MYO1H: variants seen among roughly 807,000 people sequenced by gnomAD.
MYO1H encodes unconventional myosin-Ih.
In MYO1H, 118 loss-of-function variants were observed where a neutral mutation model predicts 149.3. The observed-to-expected ratio is 0.79, with a 90% CI of 0.68 to 0.92. The LOEUF (loss-of-function observed/expected upper bound fraction) is 0.92. MYO1H is among the 40% of genes least tolerant of loss of function. MYO1H has a pLI of 0.00. For missense variants in MYO1H, 1,212 were observed against 1,280.7 expected (o/e 0.95, Z 0.82); for synonymous variants, 447 against 465.2 (o/e 0.96, Z 0.50).
chr12:109,347,339 A>G (rs113070724), upstream of MYO1H, among the ~76,000 whole-genome samples: 479 of 152,316 alleles, frequency 3.1e-3, 3 homozygotes, highest in African/African-American at 0.011. Flanking sequence ...ACAGCCTCCA[A>G]TATCAGCAAC....
chr12:109,428,741 C>T (rs1308968438), intron 19 of MYO1H, among the ~76,000 whole-genome samples: 1 of 152,208 alleles, frequency 6.6e-6, no homozygotes, highest in Non-Finnish European at 1.5e-5. Context: ...ATTCATTCAT[C>T]TTCATCCCAA....
chr12:109,353,297 C>T lies in MYO1H; in HGVS notation c.12+5325C>T, dbSNP rs10850068. Among the ~76,000 whole-genome samples the T allele has an allele frequency of 2.8e-3, 423 of 149,280 alleles. 3 individuals carry two copies. The highest frequency in any genetic ancestry group is 9.5e-3 in the African/African-American group (389 of 40,764). On this transcript the variant is annotated intron_variant, in intron 1 of 31. Transcript: ENST00000310903. ...TAATCCCAGCTACTCAGGAGGCTGA[C>T]GCAGGAAAATCGCTTGAACCCGGGA...
At chr12:109,323,220 G>T in the MYO1H span, among the ~76,000 whole-genome samples, 1 of 152,156 alleles carries the variant, frequency 6.6e-6, no homozygotes, top group East Asian at 1.9e-4. Context: ...TACCTTCTAG[G>T]TTTTTATCCT....
At chr12:109,342,444 C>A in the MYO1H span, among the ~76,000 whole-genome samples, 2 of 108,368 alleles carry the variant, frequency 1.8e-5, no homozygotes, top group African/African-American at 8.4e-5. Context: ...TGCATCCAGT[C>A]CTGATTTTTT....
chr12:109,377,979 C>A lies in MYO1H; in HGVS notation c.13-10704C>A, dbSNP rs76924679. Among the ~76,000 whole-genome samples the A allele has an allele frequency of 1.6e-3, 246 of 152,276 alleles. 5 individuals are homozygous for A. In the East Asian group the frequency reaches 0.044, roughly 27 times the overall value. ...TTCCTCCGTATTTCAGTATTTATTT[C>A]TAAGTGATACAGAATCTTTTAAAAA... On this transcript the variant is annotated intron_variant, in intron 1 of 31. Coordinates refer to ENST00000310903, the Ensembl canonical transcript of MYO1H.
chr12:109,354,376 GCAGATCACGAAGT>G (rs1464673823), intron 1 of MYO1H: 2 of 152,164 alleles, frequency 1.3e-5, no homozygotes, highest in East Asian at 3.9e-4. Flanking sequence ...GCTGAGGCGG[GCAGATCACGAAGT>G]CAGGAGATCG....
the MYO1H span, among the ~76,000 whole-genome samples, chr12:109,334,030 T>G: frequency 6.6e-6 from 1 of 152,232 alleles, no homozygotes; most frequent in Non-Finnish European, 1.5e-5. Context: ...GTTTACTTTT[T>G]TTTTGAGACA....
At chr12:109,347,364 T>G (rs1478605258), upstream of MYO1H, among the ~76,000 whole-genome samples, 1 of 152,204 alleles carries the variant, frequency 6.6e-6, no homozygotes. Context: ...TGATTTTTTA[T>G]GAGATGATAG....
chr12:109,324,169 G>A, the MYO1H span, among the ~76,000 whole-genome samples: 2 of 152,108 alleles, frequency 1.3e-5, no homozygotes, highest in South Asian at 2.1e-4. Flanking sequence ...TCCTGGACTC[G>A]GGGCACTAAA....
chr12:109,371,213 C>CTTTTTTTTTTT (rs34350111), intron 1 of MYO1H, among the ~76,000 whole-genome samples: 1 of 118,346 alleles, frequency 8.4e-6, no homozygotes, highest in African/African-American at 3.2e-5. Flanking sequence ...TTTTTTCTTT[C>CTTTTTTTTTTT]TTTTTTTTTT....
chr12:109,439,653 C>A, exon 24 of MYO1H: 1 of 1,612,702 alleles, frequency 6.2e-7, no homozygotes, highest in Non-Finnish European at 8.5e-7. Context: ...ATTCATCAGT[C>A]GCAACAAACC....
intron 1 of MYO1H, among the ~76,000 whole-genome samples, chr12:109,354,818 A>G (rs1424770014): frequency 6.6e-6 from 1 of 152,186 alleles, no homozygotes; most frequent in Non-Finnish European, 1.5e-5. Flanking sequence ...TTCTTCAACA[A>G]GAGGAATCTT....
chr12:109,362,124 C>G (rs1234729694), intron 1 of MYO1H, among the ~76,000 whole-genome samples: 1 of 152,194 alleles, frequency 6.6e-6, no homozygotes, highest in Non-Finnish European at 1.5e-5. Flanking sequence ...CACCCAAAGG[C>G]TTAGTAATTC....
At chr12:109,427,898 AAAAAAAAAAAAATATATAT>A (rs1223265516) in intron 19 of MYO1H, among the ~76,000 whole-genome samples, 3 of 75,024 alleles carry the variant, frequency 4.0e-5, no homozygotes, top group South Asian at 5.3e-4. Flanking sequence ...AAAAAAAAAA[AAAAAAAAAAAAATATATAT>A]ATATATATAT....
intron 25 of MYO1H, 26 bp downstream of exon 25, chr12:109,440,853 C>T (rs372900221): frequency 9.9e-5 from 66 of 669,876 alleles, no homozygotes; most frequent in East Asian, 4.7e-4. Flanking sequence ...CTGCGGTGGC[C>T]GGTGGTGGGG....
At chr12:109,443,857 T>G (rs558170031) in intron 28 of MYO1H, among the ~76,000 whole-genome samples, 34 of 151,510 alleles carry the variant, frequency 2.2e-4, no homozygotes, top group Non-Finnish European at 2.8e-4. Context: ...GAGCTATGAT[T>G]GTGCCACACA....
At position 109,402,806 on chromosome 12, in the gene MYO1H, C is replaced by G. The variant is rs183293994; in HGVS notation, c.751-1176C>G. 1.5e-3 allele frequency among the ~76,000 whole-genome samples: 235 copies of G among 152,240 alleles called. 1 individual carries two copies. Among genetic ancestry groups the G allele is most frequent in the African/African-American group, 5.5e-3 (227 of 41,552 alleles). On this transcript the variant is annotated intron_variant, in intron 6 of 31. Coordinates refer to ENST00000310903, the Ensembl canonical transcript of MYO1H. Reference sequence around the variant, plus strand: ...TCATGATTGTATTCCCATAGCATGACCAGAAAGGGTCAATTTGTAAAAATA... The same window carrying G: ...TCATGATTGTATTCCCATAGCATGAGCAGAAAGGGTCAATTTGTAAAAATA...
At chr12:109,361,037 T>C (rs1868734288) in intron 1 of MYO1H, among the ~76,000 whole-genome samples, 1 of 152,210 alleles carries the variant, frequency 6.6e-6, no homozygotes, top group Non-Finnish European at 1.5e-5. Flanking sequence ...CCTACTTGGC[T>C]TCCCCACCTG....
intron 1 of MYO1H, among the ~76,000 whole-genome samples, chr12:109,373,032 T>A (rs891365151): frequency 5.3e-5 from 8 of 152,120 alleles, no homozygotes; most frequent in Non-Finnish European, 5.9e-5. Context: ...GGGAGTTATT[T>A]CTACCATTGC....
Sources: allele counts gnomAD v4.1 joint callset (sites outside exome capture counted in the v4.1 genomes callset), GRCh38; gene constraint gnomAD v4.1.1; transcripts MANE v1.5; gene names NCBI Gene and HGNC (gene_info 2026-07-23, HGNC 2026-07-21).